ABCC2: variants seen among roughly 807,000 people sequenced by gnomAD.
ABCC2 encodes ATP-binding cassette sub-family C member 2.
Under a neutral mutation model 173.4 loss-of-function variants are expected in ABCC2, and 157 were observed. The observed-to-expected ratio is 0.91, with a 90% CI of 0.80 to 1.03. ABCC2 has a LOEUF of 1.03. Among genes scored for constraint, ABCC2 ranks in the 50% least tolerant of loss-of-function variants. The probability of loss-of-function intolerance (pLI) is 0.00; values close to 1 mark genes in which losing one functional copy is unlikely to be tolerated. For synonymous variants in ABCC2, 657 were observed against 693.5 expected (o/e 0.95, Z 0.83); for missense variants, 1,822 against 1,852.3 (o/e 0.98, Z 0.30).
At chr10:99,800,317 G>A (rs1564675158) in intron 8 of ABCC2, 69 bp from the exon 9 acceptor site, 1 of 1,513,314 alleles carries the variant, frequency 6.6e-7, no homozygotes, top group East Asian at 2.3e-5. Flanking sequence ...AGTCTAGCTG[G>A]CTGTGCATGA....
rs139599838 is a variant in ABCC2 at position 99,832,433 on chromosome 10, C to A, written c.3258+302C>A. Among the ~76,000 whole-genome samples, 282 of 149,630 alleles carry A rather than the reference C, an allele frequency of 1.9e-3. No homozygotes were observed. In the Middle Eastern group the frequency reaches 0.034, roughly 18 times the overall value. On this transcript the variant is annotated intron_variant, in intron 23 of 31. Transcript: ENST00000647814. ...TGTGTAGAAAGGTGGTCTGGGAGTA[C>A]AAAGGAAAAAAAGGCACTAGCCCAG...
At chr10:99,794,091 G>A (rs569870701) in intron 5 of ABCC2, 92 bp downstream of exon 5, 53 of 1,238,836 alleles carry the variant, frequency 4.3e-5, no homozygotes, top group African/African-American at 1.2e-4. Context: ...TCACGGAGGC[G>A]CCACAAGCCC....
chr10:99,844,552 T>G (rs2038990361), intron 28 of ABCC2, 87 bp downstream of exon 28: 3 of 1,557,532 alleles, frequency 1.9e-6, no homozygotes, highest in South Asian at 1.1e-5. Flanking sequence ...GCCCTAAGCC[T>G]TCATCATTTG....
chr10:99,828,000 GGGTGA>G (rs1222313596), intron 19 of ABCC2, among the ~76,000 whole-genome samples: 8 of 40,196 alleles, frequency 2.0e-4, no homozygotes, highest in Admixed American at 6.8e-4. Flanking sequence ...CTGGAATGGA[GGGTGA>G]AGTTCCCAAG....
chr10:99,842,042 A>C lies in ABCC2; in HGVS notation c.3690A>C (p.Arg1230Ser), dbSNP rs753282654. 1.6e-5 allele frequency: 26 copies of C among 1,614,054 alleles called. No individual in the cohort carries two copies. In the Admixed American group the frequency reaches 4.3e-4, roughly 27 times the overall value. ...FFSALMMVIY[R>S]DTLSGDTVGF... is the part of the protein sequence containing the mutation. Reference sequence around the variant, plus strand: ...CAGCCTTGATGATGGTTATTTATAGAGATACCCTAAGTGGGGACACTGTTG... The same window carrying C: ...CAGCCTTGATGATGGTTATTTATAGCGATACCCTAAGTGGGGACACTGTTG... The change falls in exon 26 of 32, where the codon AGA (arginine) becomes AGC (serine). Residue 1230 changes from arginine to serine, a missense_variant. Arg to Ser is a moderately radical substitution (Grantham distance 110). Transcript: ENST00000647814.
intron 11 of ABCC2, among the ~76,000 whole-genome samples, chr10:99,806,077 C>CTGTGTGTGTGTGTG (rs10559742): frequency 1.4e-5 from 2 of 148,040 alleles, no homozygotes; most frequent in African/African-American, 5.0e-5. Context: ...CTCTCTCTGT[C>CTGTGTGTGTGTGTG]TGTGTGTGTG....
chr10:99,815,968 T>TG (rs1251504420), intron 16 of ABCC2, among the ~76,000 whole-genome samples: 1 of 150,848 alleles, frequency 6.6e-6, no homozygotes, highest in African/African-American at 2.4e-5. Context: ...TTTCTGGTCT[T>TG]GTTTTTTTTT....
chr10:99,845,737 C>G lies in ABCC2; in HGVS notation c.4101C>G (p.Ser1367=). 6.2e-7 allele frequency: 1 copy of G among 1,612,936 alleles called. No homozygotes were observed. The highest frequency in any genetic ancestry group is 8.5e-7 in the Non-Finnish European group (1 of 1,179,766). The part of the protein sequence containing the change: ...QIIIDGVDIA[S]IGLHDLREKL... ...TCATTGATGGAGTAGATATTGCTTCCATTGGGCTCCACGACCTCCGAGAGA... is the reference window on the plus strand; with the variant it reads ...TCATTGATGGAGTAGATATTGCTTCGATTGGGCTCCACGACCTCCGAGAGA... Residue 1367 remains serine, a synonymous_variant, in exon 29 of 32, where the codon TCC becomes TCG. Transcript: ENST00000647814.
chr10:99,846,137 C>T (rs2039013715), intron 29 of ABCC2, among the ~76,000 whole-genome samples: 1 of 152,228 alleles, frequency 6.6e-6, no homozygotes, highest in South Asian at 2.1e-4. Flanking sequence ...TTATACTCCC[C>T]ATTTGCTATG....
intron 9 of ABCC2, among the ~76,000 whole-genome samples, chr10:99,802,673 TAGG>T (rs1364863084): frequency 6.6e-6 from 1 of 152,202 alleles, no homozygotes; most frequent in Non-Finnish European, 1.5e-5. Flanking sequence ...GTAATGCTTC[TAGG>T]AGGAGATGGA....
intron 1 of ABCC2, among the ~76,000 whole-genome samples, chr10:99,783,853 C>CA (rs2037659852): frequency 6.6e-6 from 1 of 152,114 alleles, no homozygotes; most frequent in Non-Finnish European, 1.5e-5. Context: ...AACTACCTGA[C>CA]AAACTTTCTT....
intron 2 of ABCC2, among the ~76,000 whole-genome samples, chr10:99,788,115 A>G (rs1427462623): frequency 6.6e-6 from 1 of 151,986 alleles, no homozygotes; most frequent in African/African-American, 2.4e-5. Context: ...TACTCTAGTC[A>G]CTCATTCATG....
intron 19 of ABCC2, among the ~76,000 whole-genome samples, chr10:99,821,228 C>T (rs976099910): frequency 5.9e-5 from 9 of 152,228 alleles, no homozygotes; most frequent in South Asian, 4.1e-4. Context: ...AGCCCTAAGG[C>T]GGTTTTTCCC....
chr10:99,830,723 T>A lies in ABCC2; in HGVS notation c.2755T>A (p.Ser919Thr), dbSNP rs775944091. The A allele has an allele frequency of 5.6e-6, 9 of 1,614,010 alleles. No individual in the cohort carries two copies. In the East Asian group the frequency reaches 2.0e-4, roughly 36 times the overall value. ...GAAGCTTCCCTCTCTCAGTTCTAGG[T>A]CCAATGGCAGGCATCTGAAGTCCCT... ...FRRTLSRSSRSNGRHLKSLRN... is the reference protein window; with the variant it reads ...FRRTLSRSSRTNGRHLKSLRN... The change falls in exon 21 of 32, where the codon TCC becomes ACC. Residue 919 changes from serine (S) to threonine (T), a missense_variant. Coordinates refer to ENST00000647814, the MANE Select transcript of ABCC2 (RefSeq NM_000392.5).
chr10:99,844,295 T>G (rs1349023118), intron 27 of ABCC2, 27 bp from the exon 28 acceptor site: 1 of 1,613,900 alleles, frequency 6.2e-7, no homozygotes, highest in Admixed American at 1.7e-5. Context: ...CTTATAAAAC[T>G]TACTTCTCAT....
chr10:99,811,652 G>T (rs1483698829), intron 15 of ABCC2, 50 bp downstream of exon 15: 1 of 1,598,230 alleles, frequency 6.3e-7, no homozygotes, highest in African/African-American at 1.3e-5. Flanking sequence ...CTCACTGCCT[G>T]GCCTATTCTC....
intron 19 of ABCC2, among the ~76,000 whole-genome samples, chr10:99,824,187 A>G (rs1053557083): frequency 1.3e-5 from 2 of 152,180 alleles, no homozygotes; most frequent in Non-Finnish European, 2.9e-5. Flanking sequence ...CAAATTTGAC[A>G]TGGCATAAGT....
intron 19 of ABCC2, among the ~76,000 whole-genome samples, chr10:99,826,620 C>T (rs2038643585): frequency 7.1e-6 from 1 of 141,194 alleles, no homozygotes; most frequent in African/African-American, 2.8e-5. Flanking sequence ...CCAATTTTGA[C>T]TTATTCCTAA....
chr10:99,790,396 G>A (rs2037792597), intron 2 of ABCC2, among the ~76,000 whole-genome samples: 1 of 151,804 alleles, frequency 6.6e-6, no homozygotes, highest in African/African-American at 2.4e-5. Flanking sequence ...TGAGTTATTA[G>A]GGTATTTTTA....
Sources: gnomAD v4.1 joint callset for allele counts (sites outside exome capture counted in the v4.1 genomes callset) on GRCh38, gnomAD v4.1.1 for gene constraint, MANE v1.5 for transcripts, NCBI Gene and HGNC (gene_info 2026-07-23, HGNC 2026-07-21) for gene names.